The following C12orf54 variants were observed in gnomAD, a reference collection of about 807,000 sequenced individuals.
C12orf54 encodes chromosome 12 open reading frame 54.
C12orf54 carries 24 observed loss-of-function variants against 26.4 expected under a neutral mutation model. The observed-to-expected ratio is 0.91, with a 90% CI of 0.66 to 1.28. The LOEUF is 1.28. C12orf54 is among the 50% of genes most tolerant of loss of function. C12orf54 has a pLI of 0.00. For missense variants in C12orf54, 154 were observed against 150.9 expected (o/e 1.02, Z -0.11); for synonymous variants, 54 against 47.0 (o/e 1.15, Z -0.61).
chr12:48,451,092 C>T, the C12orf54 span, among the ~76,000 whole-genome samples: 3 of 152,138 alleles, frequency 2.0e-5, no homozygotes, highest in African/African-American at 7.2e-5. Context: ...CAATAAAATA[C>T]TACCAAACCA....
chr12:48,456,350 A>T, the C12orf54 span, among the ~76,000 whole-genome samples: 1 of 152,204 alleles, frequency 6.6e-6, no homozygotes, highest in Non-Finnish European at 1.5e-5. Context: ...AGAGGAGGAA[A>T]AATTCAAGCT....
At chr12:48,447,413 A>G in the C12orf54 span, among the ~76,000 whole-genome samples, 1 of 152,200 alleles carries the variant, frequency 6.6e-6, no homozygotes, top group African/African-American at 2.4e-5. Flanking sequence ...CAATTGACTA[A>G]TACAATAGAG....
At chr12:48,454,918 A>C in the C12orf54 span, among the ~76,000 whole-genome samples, 1 of 152,124 alleles carries the variant, frequency 6.6e-6, no homozygotes, top group South Asian at 2.1e-4. Context: ...GACTACTGCA[A>C]GTTTCTTCAA....
At chr12:48,438,324 C>T in the C12orf54 span, among the ~76,000 whole-genome samples, 10 of 152,274 alleles carry the variant, frequency 6.6e-5, no homozygotes, top group South Asian at 4.1e-4. Context: ...AATGGCCATA[C>T]GGCCCAAGAT....
At chr12:48,466,030 T>C in the C12orf54 span, among the ~76,000 whole-genome samples, 23 of 152,174 alleles carry the variant, frequency 1.5e-4, no homozygotes, top group African/African-American at 5.3e-4. Flanking sequence ...GACCTTGGGA[T>C]AGGCAAAGAT....
In C12orf54 at chr12:48,486,966, C is replaced by T. The variant is rs968273528; in HGVS notation, c.135+240C>T. On this transcript the variant is annotated intron_variant, in intron 4 of 8. Transcript: ENST00000548364. ...CCACTTGTTTGAAGCTGTCACAGGTCCTGTTTGTTTTAAGGGTGTTTAATC... is the reference window on the plus strand; with the variant it reads ...CCACTTGTTTGAAGCTGTCACAGGTTCTGTTTGTTTTAAGGGTGTTTAATC... Among the ~76,000 whole-genome samples the T allele has an allele frequency of 5.3e-5, 8 of 152,262 alleles. No homozygotes were observed. The South Asian group carries it at 8.3e-4, about 16-fold the overall frequency.
chr12:48,494,273 A>G (rs1236385176), intron 7 of C12orf54, among the ~76,000 whole-genome samples: 1 of 152,074 alleles, frequency 6.6e-6, no homozygotes, highest in African/African-American at 2.4e-5. Flanking sequence ...GGAAATGGAA[A>G]AGGTGAACTC....
the C12orf54 span, among the ~76,000 whole-genome samples, chr12:48,443,735 GTCT>G: frequency 0.13 from 19,345 of 152,188 alleles, 1,633 homozygotes; most frequent in Non-Finnish European, 0.2. Flanking sequence ...CTAAAGTGTG[GTCT>G]TCTTTTTTGC....
At chr12:48,466,821 T>C in the C12orf54 span, among the ~76,000 whole-genome samples, 1 of 152,150 alleles carries the variant, frequency 6.6e-6, no homozygotes, top group Admixed American at 6.5e-5. Flanking sequence ...GTCCCAGCCA[T>C]TCCACTCCTA....
chr12:48,432,952 G>C, the C12orf54 span, among the ~76,000 whole-genome samples: 1 of 151,518 alleles, frequency 6.6e-6, no homozygotes, highest in Non-Finnish European at 1.5e-5. Context: ...CCAATAGTAT[G>C]TATAAACAAG....
chr12:48,419,769 G>C, the C12orf54 span, among the ~76,000 whole-genome samples: 2 of 152,168 alleles, frequency 1.3e-5, no homozygotes, highest in Non-Finnish European at 2.9e-5. Flanking sequence ...CCAGTGGAGA[G>C]AGCCTCGAGG....
chr12:48,463,332 G>C, the C12orf54 span, among the ~76,000 whole-genome samples: 22 of 152,010 alleles, frequency 1.4e-4, no homozygotes, highest in East Asian at 4.2e-3. Flanking sequence ...AGAAGAAATG[G>C]ATGAATTCCT....
At chr12:48,490,949 T>C in intron 6 of C12orf54, 113 bp downstream of exon 6, 1 of 1,308,692 alleles carries the variant, frequency 7.6e-7, no homozygotes, top group Non-Finnish European at 1.1e-6. Flanking sequence ...AGAAGTGAGA[T>C]ATGGAGTTCA....
the C12orf54 span, among the ~76,000 whole-genome samples, chr12:48,448,768 A>C: frequency 2.0e-5 from 3 of 152,204 alleles, no homozygotes; most frequent in African/African-American, 7.2e-5. Context: ...GTTGATGAAG[A>C]GTCTAACTCT....
the C12orf54 span, among the ~76,000 whole-genome samples, chr12:48,464,405 T>C: frequency 6.6e-6 from 1 of 152,116 alleles, no homozygotes; most frequent in East Asian, 1.9e-4. Flanking sequence ...TACAAAATAC[T>C]GCTCAAAGAA....
At chr12:48,475,635 A>G in the C12orf54 span, among the ~76,000 whole-genome samples, 1 of 152,246 alleles carries the variant, frequency 6.6e-6, no homozygotes, top group Non-Finnish European at 1.5e-5. Flanking sequence ...CAACTGGAAG[A>G]AAGGGTATCA....
chr12:48,441,007 A>G, the C12orf54 span, among the ~76,000 whole-genome samples: 6 of 152,216 alleles, frequency 3.9e-5, no homozygotes, highest in Non-Finnish European at 8.8e-5. Flanking sequence ...TGCAAGTCCC[A>G]TTGGTTCCAA....
At chr12:48,487,988 C>A in intron 4 of C12orf54, 1 of 811,110 alleles carries the variant, frequency 1.2e-6, no homozygotes, top group South Asian at 1.4e-5. Flanking sequence ...TTATGAACTC[C>A]TTTTTAAGGA....
At chr12:48,474,561 A>G in the C12orf54 span, among the ~76,000 whole-genome samples, 4 of 152,148 alleles carry the variant, frequency 2.6e-5, no homozygotes, top group Non-Finnish European at 5.9e-5. Context: ...CGCTTTTCCA[A>G]TGGGCTTAAA....
Sources: allele counts gnomAD v4.1 joint callset (sites outside exome capture counted in the v4.1 genomes callset), GRCh38; gene constraint gnomAD v4.1.1; transcripts MANE v1.5; gene names NCBI Gene and HGNC (gene_info 2026-07-23, HGNC 2026-07-21).